The following WDR27 variants were observed in gnomAD, a reference collection of about 807,000 sequenced individuals.
The protein encoded by WDR27 is WD repeat domain 27.
A neutral mutation model predicts 114.4 loss-of-function variants in WDR27; 100 were observed. The observed-to-expected ratio is 0.87, with a 90% CI of 0.74 to 1.03. WDR27 has a LOEUF of 1.03. Ranked by LOEUF, WDR27 falls within the 50% of genes least tolerant of loss-of-function variation. The pLI is 0.00. For synonymous variants in WDR27, 449 were observed against 423.1 expected (o/e 1.06, Z -0.75); for missense variants, 1,129 against 1,092.9 (o/e 1.03, Z -0.47).
chr6:169,572,763 C>T lies in WDR27; in HGVS notation c.2524-223G>A, dbSNP rs1187424262. ...AGAAGCATTTGTCTATAGCAGAACC[C>T]TTTAAAAGTTTATTTTTCTCAGTAA... On this transcript the variant is annotated intron_variant, in intron 24 of 25. Coordinates refer to ENST00000448612, the MANE Select transcript of WDR27 (RefSeq NM_182552.5). 2.0e-5 allele frequency among the ~76,000 whole-genome samples: 3 copies of T among 152,178 alleles called. No individual in the cohort carries two copies. The East Asian group carries it at 5.8e-4, about 29-fold the overall frequency.
intron 1 of WDR27, among the ~76,000 whole-genome samples, chr6:169,699,057 T>C (rs1412088024): frequency 6.6e-6 from 1 of 152,130 alleles, no homozygotes; most frequent in Non-Finnish European, 1.5e-5. Context: ...ACAAACAGGT[T>C]CAACTGCAAC....
At chr6:169,696,833 G>C (rs1234963182) in intron 1 of WDR27, among the ~76,000 whole-genome samples, 7 of 152,234 alleles carry the variant, frequency 4.6e-5, no homozygotes, top group Non-Finnish European at 2.9e-5. Flanking sequence ...AGAATCACTT[G>C]AACCCGGGAG....
intron 13 of WDR27, 148 bp from the exon 14 acceptor site, chr6:169,652,156 A>G (rs945214273): frequency 1.5e-6 from 1 of 674,472 alleles, no homozygotes; most frequent in Non-Finnish European, 2.5e-6. Context: ...TTCATATCTG[A>G]AGTCACACCA....
At chr6:169,579,268 G>A (rs1161327180) in intron 24 of WDR27, among the ~76,000 whole-genome samples, 1 of 152,206 alleles carries the variant, frequency 6.6e-6, no homozygotes, top group African/African-American at 2.4e-5. Context: ...GGAGGTAGAA[G>A]AGAGAGCCTT....
intron 25 of WDR27, among the ~76,000 whole-genome samples, chr6:169,503,794 G>A (rs2115496858): frequency 6.6e-6 from 1 of 151,474 alleles, no homozygotes; most frequent in Non-Finnish European, 1.5e-5. Context: ...TCATTATTTT[G>A]AACCTATATC....
chr6:169,643,781 C>CG lies in WDR27; in HGVS notation c.1662_1663insC (p.Gly555ArgfsTer17), dbSNP rs1382554494. The CG allele has an allele frequency of 8.7e-6, 14 of 1,611,980 alleles. No homozygotes were observed. The highest frequency in any genetic ancestry group is 2.5e-6 in the Non-Finnish European group (3 of 1,178,878). On this transcript the variant is annotated frameshift_variant, in exon 17 of 26. Coordinates refer to ENST00000448612, the MANE Select transcript of WDR27 (RefSeq NM_182552.5). LOFTEE classifies it high-confidence loss of function. ...GCCAACCCACAGGCCAGCCACTGCC[C>CG]ATCTCCTGTTAAAAGAATTTTAAAA...
intron 14 of WDR27, among the ~76,000 whole-genome samples, chr6:169,650,039 C>T (rs1349104709): frequency 2.0e-5 from 3 of 148,298 alleles, no homozygotes; most frequent in African/African-American, 7.5e-5. Context: ...ACATCCATCC[C>T]TCATCTCCCC....
chr6:169,544,184 T>C lies in WDR27; in HGVS notation c.2645+28235A>G, dbSNP rs77547595. Among the ~76,000 whole-genome samples, 1,513 of 152,216 alleles carry C rather than the reference T, an allele frequency of 9.9e-3. 21 individuals are homozygous for C. Among genetic ancestry groups the C allele is most frequent in the African/African-American group, 0.035 (1,438 of 41,524 alleles). On this transcript the variant is annotated intron_variant, in intron 25 of 25. Transcript: ENST00000448612. ...GCTCTCCCCCTAAGTCTGGGGATAA[T>C]GAAAAGATGTCTACTCTCACACTCT...
chr6:169,544,486 T>C (rs1797213682), intron 25 of WDR27, among the ~76,000 whole-genome samples: 1 of 151,734 alleles, frequency 6.6e-6, no homozygotes, highest in South Asian at 2.1e-4. Flanking sequence ...TCACCCAGGC[T>C]GGAGTGTAGT....
chr6:169,470,833 A>G (rs1040859999), intron 25 of WDR27, among the ~76,000 whole-genome samples: 2 of 152,204 alleles, frequency 1.3e-5, no homozygotes, highest in African/African-American at 4.8e-5. Flanking sequence ...AATTTGGTCC[A>G]TAGCACAAGA....
chr6:169,458,938 C>A (rs1784599330), intron 25 of WDR27, among the ~76,000 whole-genome samples: 1 of 151,956 alleles, frequency 6.6e-6, no homozygotes, highest in East Asian at 1.9e-4. Flanking sequence ...TCAAAATAAA[C>A]AAAAATAAAC....
intron 18 of WDR27, among the ~76,000 whole-genome samples, chr6:169,637,402 A>G (rs1034136108): frequency 2.0e-5 from 3 of 152,270 alleles, no homozygotes; most frequent in Non-Finnish European, 4.4e-5. Context: ...AGATTTAACC[A>G]TATGAATGTA....
chr6:169,428,605 GGGA>G, the WDR27 span, among the ~76,000 whole-genome samples: 20 of 148,556 alleles, frequency 1.3e-4, no homozygotes, highest in African/African-American at 4.6e-4. Context: ...GGTGGCGGGG[GGGA>G]GGGGGGGGTT....
chr6:169,699,219 C>T (rs1787144017), intron 1 of WDR27, among the ~76,000 whole-genome samples: 1 of 152,074 alleles, frequency 6.6e-6, no homozygotes, highest in African/African-American at 2.4e-5. Flanking sequence ...AAAGAAAGTA[C>T]GAAGAGCAGG....
intron 21 of WDR27, among the ~76,000 whole-genome samples, chr6:169,626,898 C>T (rs1282834770): frequency 2.6e-5 from 4 of 152,248 alleles, no homozygotes; most frequent in African/African-American, 9.6e-5. Flanking sequence ...AACAGCACCA[C>T]TGGGCAGTGC....
At chr6:169,575,092 G>A (rs1293027142) in intron 24 of WDR27, among the ~76,000 whole-genome samples, 2 of 151,990 alleles carry the variant, frequency 1.3e-5, no homozygotes, top group Non-Finnish European at 2.9e-5. Flanking sequence ...GGACTCAGGC[G>A]GGAACACCAC....
At chr6:169,694,703 A>G (rs1362827065) in intron 1 of WDR27, among the ~76,000 whole-genome samples, 2 of 152,362 alleles carry the variant, frequency 1.3e-5, no homozygotes, top group East Asian at 3.9e-4. Flanking sequence ...AGCTTCACCG[A>G]CACCGTCAGG....
chr6:169,618,627 C>CAAAAAAAAAAA (rs560399990), intron 21 of WDR27, among the ~76,000 whole-genome samples: 2 of 92,106 alleles, frequency 2.2e-5, no homozygotes, highest in Non-Finnish European at 2.0e-5. Flanking sequence ...TGGATGACTG[C>CAAAAAAAAAAA]AAAAAAAAAA....
intron 17 of WDR27, among the ~76,000 whole-genome samples, chr6:169,639,232 CGTGGTGCTGGGTACTGT>C (rs1470830080): frequency 6.6e-6 from 1 of 151,102 alleles, no homozygotes; most frequent in Non-Finnish European, 1.5e-5. Flanking sequence ...CCGGGTACTG[CGTGGTGCTGGGTACTGT>C]GTGGTGCTGG....
Sources: allele counts gnomAD v4.1 joint callset (sites outside exome capture counted in the v4.1 genomes callset), GRCh38; gene constraint gnomAD v4.1.1; transcripts MANE v1.5; gene names NCBI Gene and HGNC (gene_info 2026-07-23, HGNC 2026-07-21).